CFAP251: variants seen among roughly 807,000 people sequenced by gnomAD.
CFAP251 encodes the protein cilia- and flagella-associated protein 251.
In CFAP251, 93 loss-of-function variants were observed where a neutral mutation model predicts 126.7. The ratio of observed to expected loss-of-function variants is 0.73; its 90% CI spans 0.62 to 0.87. The LOEUF (loss-of-function observed/expected upper bound fraction) is 0.87, where lower values mean the gene tolerates loss of function less well. CFAP251 is among the 40% of genes least tolerant of loss of function. The probability of loss-of-function intolerance (pLI) is 0.00; values close to 1 mark genes in which losing one functional copy is unlikely to be tolerated. For synonymous variants in CFAP251, 503 were observed against 506.9 expected (o/e 0.99, Z 0.10); for missense variants, 1,287 against 1,389.2 (o/e 0.93, Z 1.17).
intron 17 of CFAP251, 150 bp downstream of exon 17, chr12:121,968,319 C>T: frequency 2.9e-6 from 2 of 687,558 alleles, no homozygotes; most frequent in Non-Finnish European, 4.6e-6. Flanking sequence ...GCATTGCTCA[C>T]ATTACTCTGC....
At chr12:122,001,268 C>CT (rs1301304191) in intron 20 of CFAP251, among the ~76,000 whole-genome samples, 1 of 151,772 alleles carries the variant, frequency 6.6e-6, no homozygotes, top group Non-Finnish European at 1.5e-5. Context: ...GTTGGCCAGG[C>CT]TGGTCTCGAA....
In CFAP251 at chr12:122,001,472, C is replaced by T. The variant is rs757911091; in HGVS notation, c.3236-25C>T. The T allele has an allele frequency of 2.5e-6, 4 of 1,587,556 alleles. No homozygotes were observed. In the South Asian group the frequency reaches 4.4e-5, roughly 18 times the overall value. Reference sequence around the variant, plus strand: ...TGCTTAGCCTCAAGAGTTAAACAATCACCTTCTCACTCTTTGACACACAGG... The same window carrying T: ...TGCTTAGCCTCAAGAGTTAAACAATTACCTTCTCACTCTTTGACACACAGG... On this transcript the variant is annotated intron_variant, in intron 20 of 21. Transcript: ENST00000288912.
At chr12:121,983,499 C>A (rs1414152599) in intron 19 of CFAP251, among the ~76,000 whole-genome samples, 1 of 151,860 alleles carries the variant, frequency 6.6e-6, no homozygotes, top group Admixed American at 6.6e-5. Flanking sequence ...TTATCAAAAT[C>A]TTGCTGATGA....
chr12:121,938,321 T>C (rs998111613), intron 5 of CFAP251, among the ~76,000 whole-genome samples: 1 of 151,304 alleles, frequency 6.6e-6, no homozygotes, highest in Admixed American at 6.6e-5. Flanking sequence ...CTGTTGTTGT[T>C]GTTGTTGTTG....
intron 19 of CFAP251, among the ~76,000 whole-genome samples, chr12:121,995,098 G>A (rs1371721226): frequency 6.6e-6 from 1 of 152,200 alleles, no homozygotes; most frequent in Non-Finnish European, 1.5e-5. Flanking sequence ...ACGTATTACT[G>A]TATTCCCTGC....
At chr12:121,943,039 C>T (rs1319352271) in intron 7 of CFAP251, 64 bp downstream of exon 7, 18 of 1,557,166 alleles carry the variant, frequency 1.2e-5, no homozygotes, top group Admixed American at 1.7e-5. Context: ...CCAGGCTGGG[C>T]GTGGTGGCTC....
At chr12:121,976,150 A>G (rs1382460186) in intron 19 of CFAP251, among the ~76,000 whole-genome samples, 1 of 151,942 alleles carries the variant, frequency 6.6e-6, no homozygotes, top group Non-Finnish European at 1.5e-5. Flanking sequence ...CTGGGATTAC[A>G]GACACCCACC....
intron 7 of CFAP251, chr12:121,948,206 C>T (rs1382266153): frequency 6.6e-6 from 1 of 152,122 alleles, no homozygotes; most frequent in Non-Finnish European, 1.5e-5. Context: ...AGCCAGCAGC[C>T]CATGCTATTC....
chr12:121,921,759 G>A, intron 2 of CFAP251, 76 bp downstream of exon 2: 1 of 1,433,592 alleles, frequency 7.0e-7, no homozygotes, highest in Non-Finnish European at 9.4e-7. Flanking sequence ...CCAGACTATG[G>A]GAACACAAAA....
intron 1 of CFAP251, among the ~76,000 whole-genome samples, chr12:121,920,301 C>T (rs1180858622): frequency 4.2e-5 from 6 of 142,088 alleles, no homozygotes; most frequent in South Asian, 2.3e-4. Context: ...GATCTTGGCT[C>T]GCTGCAACCT....
At position 121,989,066 on chromosome 12, in the gene CFAP251, A is replaced by G. The variant is rs1459863629; in HGVS notation, c.3007-10650A>G. Among the ~76,000 whole-genome samples, 1 of 152,098 alleles carries G rather than the reference A, an allele frequency of 6.6e-6. No individual in the cohort carries two copies. The highest frequency in any genetic ancestry group is 1.5e-5 in the Non-Finnish European group (1 of 68,008). On this transcript the variant is annotated intron_variant, in intron 19 of 21. Coordinates refer to ENST00000288912, the MANE Select transcript of CFAP251 (RefSeq NM_144668.6). This position sits in a 1 kb window ranked among gnomAD's most constrained non-coding sequence, Gnocchi z 4.2. ...CACTTCTTCACTTGAGCTAGGAACC[A>G]TCTGGGGCTTTAGGGTGCATGAGGC...
chr12:121,955,733 A>G (rs957760715), intron 10 of CFAP251: 1 of 152,200 alleles, frequency 6.6e-6, no homozygotes, highest in African/African-American at 2.4e-5. Context: ...TTTTACAAAG[A>G]GAAATGCAAA....
chr12:121,992,980 CGTCTCCCTCTCCCTCTCCCTCTCCCCACG>C (rs1882911902), intron 19 of CFAP251, among the ~76,000 whole-genome samples: 1 of 144,636 alleles, frequency 6.9e-6, no homozygotes, highest in Non-Finnish European at 1.5e-5. Flanking sequence ...TCTCCCTCTC[CGTCTCCCTCTCCCTCTCCCTCTCCCCACG>C]GTCTCCCTCT....
intron 8 of CFAP251, chr12:121,950,817 C>G (rs1881493275): frequency 6.6e-6 from 1 of 152,026 alleles, no homozygotes; most frequent in African/African-American, 2.4e-5. Flanking sequence ...CTCAGCCTCC[C>G]AAAGTGCTGA....
intron 14 of CFAP251, 77 bp downstream of exon 14, chr12:121,960,835 G>A (rs1881908013): frequency 6.7e-7 from 1 of 1,493,574 alleles, no homozygotes; most frequent in South Asian, 1.2e-5. Flanking sequence ...ATCTTGCATA[G>A]AGCCAGGCCC....
In CFAP251 at chr12:121,999,583, G is replaced by C. The variant is rs1883101971; in HGVS notation, c.3007-133G>C. On this transcript the variant is annotated intron_variant, in intron 19 of 21. Transcript: ENST00000288912. ...ACTCCTGGCCTCAAGTGATCCTTTG[G>C]CCACGGCCTCCCAAAGTGCTAGGAT... 16 of 641,552 alleles carry C rather than the reference G, an allele frequency of 2.5e-5. No homozygotes were observed. The South Asian group carries it at 3.3e-4, about 13-fold the overall frequency. 39.7% of individuals were successfully genotyped at this position (641,552 alleles called of 1,614,324 possible).
chr12:121,975,162 C>A, intron 17 of CFAP251, 82 bp from the exon 18 acceptor site: 1 of 1,097,232 alleles, frequency 9.1e-7, no homozygotes, highest in Non-Finnish European at 1.4e-6. Context: ...CTTCAGAGGG[C>A]CGCAGTGCTG....
intron 3 of CFAP251, among the ~76,000 whole-genome samples, chr12:121,924,817 A>G (rs1040522382): frequency 1.2e-4 from 19 of 152,140 alleles, no homozygotes; most frequent in African/African-American, 4.3e-4. Context: ...TCTGCGTTCA[A>G]TGGTGTTGCT....
intron 5 of CFAP251, among the ~76,000 whole-genome samples, chr12:121,937,287 G>T (rs892957832): frequency 1.3e-5 from 2 of 152,082 alleles, no homozygotes; most frequent in East Asian, 1.9e-4. Context: ...AATCTCTGCC[G>T]CCATCTTCCC....
Sources: gnomAD v4.1 joint callset for allele counts (sites outside exome capture counted in the v4.1 genomes callset) on GRCh38, gnomAD v4.1.1 for gene constraint, Gnocchi (gnomAD v3.1) non-coding constraint, MANE v1.5 for transcripts, NCBI Gene and HGNC (gene_info 2026-07-23, HGNC 2026-07-21) for gene names.